The following MCM9 variants were observed in gnomAD, a reference collection of about 807,000 sequenced individuals.
MCM9 encodes the protein DNA helicase MCM9.
A neutral mutation model predicts 72.8 loss-of-function variants in MCM9; 55 were observed. The observed-to-expected ratio is 0.76, with a 90% confidence interval of 0.61 to 0.95. MCM9 has a LOEUF of 0.95. MCM9 is among the 40% of genes least tolerant of loss of function. MCM9 has a pLI of 0.00. For synonymous variants in MCM9, 480 were observed against 503.4 expected, an observed-to-expected ratio of 0.95 and a Z score of 0.62; for missense variants, 1,279 against 1,377.0, an observed-to-expected ratio of 0.93 and a Z score of 1.13.
At position 118,815,481 on chromosome 6, in the gene MCM9, G is replaced by C. The variant is rs1179846524; in HGVS notation, c.2775C>G (p.Phe925Leu). The change falls in exon 14 of 14, where the codon TTC becomes TTG. Residue 925 changes from phenylalanine (F) to leucine (L), a missense_variant. By Grantham distance (22) the Phe-to-Leu change is conservative. Transcript: ENST00000619706. ...AGTGGATCAGTTTTGACTTCTGCTTGAAAGTAAATTTTGCCAGTTTGGCCA... is the reference window on the plus strand; with the variant it reads ...AGTGGATCAGTTTTGACTTCTGCTTCAAAGTAAATTTTGCCAGTTTGGCCA... ...SPVAKLAKFT[F>L]KQKSKLIHSF... The C allele has an allele frequency of 3.9e-6, 6 of 1,547,828 alleles. No individual in the cohort carries two copies. Among genetic ancestry groups the C allele is most frequent in the African/African-American group, 2.7e-5 (2 of 72,800 alleles).
intron 9 of MCM9, among the ~76,000 whole-genome samples, chr6:118,838,158 T>C (rs1423345578): frequency 2.7e-5 from 4 of 146,946 alleles, no homozygotes; most frequent in Non-Finnish European, 6.0e-5. Context: ...GGTTGAAAAT[T>C]CTTTTTTTTT....
rs567191064 is a variant in MCM9 at position 118,925,051 on chromosome 6, AG to A, written c.305-925del. On this transcript the variant is annotated intron_variant, in intron 3 of 13. Coordinates refer to ENST00000619706, the MANE Select transcript of MCM9 (RefSeq NM_017696.3). ...AGAGGAAGACCCTGTCCAAAAAAAAAGAAAGACAGGGAGGGAGGAAGGAAGG... is the reference window on the plus strand; with the variant it reads ...AGAGGAAGACCCTGTCCAAAAAAAAAAAAGACAGGGAGGGAGGAAGGAAGG... Among the ~76,000 whole-genome samples the A allele has an allele frequency of 2.0e-5, 3 of 152,008 alleles. No individual in the cohort carries two copies. The East Asian group carries it at 5.8e-4, about 30-fold the overall frequency.
In MCM9 at chr6:118,914,384, C is replaced by T. The variant is rs554580825; in HGVS notation, c.905-964G>A. Among the ~76,000 whole-genome samples, 5 of 152,262 alleles carry T rather than the reference C, an allele frequency of 3.3e-5. No individual in the cohort carries two copies. The East Asian group carries it at 9.7e-4, about 29-fold the overall frequency. On this transcript the variant is annotated intron_variant, in intron 6 of 13. Coordinates refer to ENST00000619706, the MANE Select transcript of MCM9 (RefSeq NM_017696.3). ...ACCTATGGAATTCCAACAAGCCATT[C>T]CTGAGCCTTTCCACGACTTATGGCC...
rs1245411786 is a variant in MCM9, at chr6:118,935,070, T to C, written c.-329A>G. On this transcript the variant is annotated 5_prime_UTR_variant, in exon 1 of 14. Coordinates refer to ENST00000619706, the MANE Select transcript of MCM9 (RefSeq NM_017696.3). Reference sequence around the variant, plus strand: ...GACGCGCGGGCTGTGTCGGGCGGCCTAGCGCCTGCGGCTCTGCCGGGCCTG... The same window carrying C: ...GACGCGCGGGCTGTGTCGGGCGGCCCAGCGCCTGCGGCTCTGCCGGGCCTG... The C allele has an allele frequency of 6.6e-6, 1 of 152,060 alleles. No individual in the cohort carries two copies. The highest frequency in any genetic ancestry group is 6.6e-5 in the Admixed American group (1 of 15,262). The allele number at this position is 152,060 out of a possible 1,614,324, so 9.4% of individuals were successfully genotyped here. A position where few individuals can be genotyped will look rare whatever the true frequency, so the allele number is the denominator to read the frequency against.
intron 9 of MCM9, among the ~76,000 whole-genome samples, chr6:118,834,397 A>C (rs1774806437): frequency 6.6e-6 from 1 of 152,158 alleles, no homozygotes; most frequent in Non-Finnish European, 1.5e-5. Context: ...TACTGGGTCA[A>C]ATGGTATGTC....
At chr6:118,912,022 T>A (rs1780590669) in intron 7 of MCM9, 1 of 256,432 alleles carries the variant, frequency 3.9e-6, no homozygotes, top group Non-Finnish European at 7.4e-6. Flanking sequence ...GTTTAACATT[T>A]TAAAAAATAT....
At chr6:118,931,996 T>C (rs2114465662) in intron 2 of MCM9, among the ~76,000 whole-genome samples, 1 of 152,348 alleles carries the variant, frequency 6.6e-6, no homozygotes, top group East Asian at 1.9e-4. Context: ...GTTCAAAGCA[T>C]TTCCCATCTT....
At position 118,827,065 on chromosome 6, in the gene MCM9, C is replaced by T. The variant is rs190900795; in HGVS notation, c.1733-201G>A. On this transcript the variant is annotated intron_variant, in intron 11 of 13. Transcript: ENST00000619706. ...GAGCCTAATCCTTCTGTGTAGCCCA[C>T]ACAATCTTGTATATTTATATGAAAA... Among the ~76,000 whole-genome samples the T allele has an allele frequency of 1.1e-3, 160 of 152,274 alleles. 1 individual carries two copies. The highest frequency in any genetic ancestry group is 2.0e-3 in the Non-Finnish European group (133 of 68,026).
intron 9 of MCM9, among the ~76,000 whole-genome samples, chr6:118,840,323 T>C (rs996008177): frequency 2.0e-5 from 3 of 152,150 alleles, no homozygotes; most frequent in Non-Finnish European, 2.9e-5. Flanking sequence ...AATGAAATTA[T>C]AAGGATGGGA....
At chr6:118,907,661 G>A in intron 8 of MCM9, 1 of 1,450,318 alleles carries the variant, frequency 6.9e-7, no homozygotes, top group Admixed American at 1.8e-5. Flanking sequence ...AAAATACACA[G>A]AACTATTTCC....
At chr6:118,884,728 A>T (rs1778494056) in intron 8 of MCM9, among the ~76,000 whole-genome samples, 1 of 152,222 alleles carries the variant, frequency 6.6e-6, no homozygotes, top group Admixed American at 6.5e-5. Flanking sequence ...AAAAGGATGG[A>T]AAAACATACG....
At chr6:118,929,200 A>G (rs1035961033) in intron 3 of MCM9, among the ~76,000 whole-genome samples, 4 of 152,244 alleles carry the variant, frequency 2.6e-5, no homozygotes, top group African/African-American at 9.6e-5. Context: ...AGCCTGGACA[A>G]CAGAGCAAGA....
Position 118,928,055 on chromosome 6 carries a change from G to A in MCM9, c.304+3365C>T, listed in dbSNP as rs555146231. On this transcript the variant is annotated intron_variant, in intron 3 of 13. Coordinates refer to ENST00000619706, the MANE Select transcript of MCM9 (RefSeq NM_017696.3). ...CACATACAGTGCTCCCTTTGTCTCA[G>A]TGCTCTCCTCTTCACTCTGCTCCTC... 6.6e-5 allele frequency among the ~76,000 whole-genome samples: 10 copies of A among 152,292 alleles called. No homozygotes were observed. The East Asian group carries it at 7.7e-4, about 12-fold the overall frequency.
intron 9 of MCM9, among the ~76,000 whole-genome samples, chr6:118,838,840 T>C (rs1476185315): frequency 6.6e-6 from 1 of 152,234 alleles, no homozygotes; most frequent in Non-Finnish European, 1.5e-5. Flanking sequence ...AACCCGGCCT[T>C]TCTCTCTGGC....
At chr6:118,834,189 G>A (rs1004572169) in intron 9 of MCM9, among the ~76,000 whole-genome samples, 6 of 152,272 alleles carry the variant, frequency 3.9e-5, no homozygotes, top group Admixed American at 1.3e-4. Flanking sequence ...CAAAGGACAC[G>A]AATTCATCCT....
chr6:118,832,547 C>T (rs937054313), intron 9 of MCM9, among the ~76,000 whole-genome samples: 1 of 152,268 alleles, frequency 6.6e-6, no homozygotes, highest in East Asian at 1.9e-4. Context: ...CAGGCTTTGT[C>T]ATAAAAGGAT....
At chr6:118,921,907 T>C (rs41292554) in intron 5 of MCM9, 98 bp downstream of exon 5, 47,712 of 872,342 alleles carry the variant, frequency 0.055, 2,101 homozygotes, top group East Asian at 0.19. Flanking sequence ...GCTCTACATT[T>C]CCCTTGCCAG....
chr6:118,848,150 G>C lies in MCM9; in HGVS notation c.1325+8221C>G, dbSNP rs533060618. The stretch of plus-strand genomic sequence containing the variant: ...TCATTTTAGATAGACCAAAGCAAAA[G>C]AAAGCATAAAAGTGGAAGAATAGTA... On this transcript the variant is annotated intron_variant, in intron 9 of 13. Transcript: ENST00000619706. 1.9e-4 allele frequency among the ~76,000 whole-genome samples: 29 copies of C among 151,870 alleles called. 2 individuals are homozygous for C. Among genetic ancestry groups the C allele is most frequent in the African/African-American group, 6.1e-4 (25 of 41,204 alleles).
At chr6:118,816,369 C>T in intron 13 of MCM9, 75 bp from the exon 14 acceptor site, 1 of 1,247,028 alleles carries the variant, frequency 8.0e-7, no homozygotes, top group Non-Finnish European at 1.1e-6. Context: ...TTTCTTTAGT[C>T]TCTGAGATAC....
Sources: gnomAD v4.1 joint callset for allele counts (sites outside exome capture counted in the v4.1 genomes callset) on GRCh38, gnomAD v4.1.1 for gene constraint, MANE v1.5 for transcripts, NCBI Gene and HGNC (gene_info 2026-07-23, HGNC 2026-07-21) for gene names.